The following CACNG3 variants were observed in gnomAD, a reference collection of about 807,000 sequenced individuals.
The protein encoded by CACNG3 is voltage-dependent calcium channel gamma-3 subunit.
A neutral mutation model predicts 28.5 loss-of-function variants in CACNG3; 3 were observed. The ratio of observed to expected loss-of-function variants is 0.11; its 90% CI spans 0.05 to 0.27. The LOEUF (loss-of-function observed/expected upper bound fraction) is 0.27, where lower values mean the gene tolerates loss of function less well. CACNG3 is among the 10% of genes least tolerant of loss of function. The pLI is 1.00. For missense variants in CACNG3, 236 were observed against 414.4 expected (o/e 0.57, Z 3.74); for synonymous variants, 174 against 162.2 (o/e 1.07, Z -0.55).
intron 2 of CACNG3, among the ~76,000 whole-genome samples, chr16:24,350,042 G>T (rs1437158789): frequency 6.6e-6 from 1 of 152,190 alleles, no homozygotes; most frequent in Admixed American, 6.5e-5. Context: ...AGTTTGGGGG[G>T]AGAAACAGGG....
At chr16:24,276,228 T>C (rs1207586512) in intron 1 of CACNG3, among the ~76,000 whole-genome samples, 1 of 152,228 alleles carries the variant, frequency 6.6e-6, no homozygotes, top group Non-Finnish European at 1.5e-5. Flanking sequence ...CTATTTTTTG[T>C]TCTGGAAAAT....
At chr16:24,314,648 T>C (rs1044186247) in intron 1 of CACNG3, among the ~76,000 whole-genome samples, 11 of 152,088 alleles carry the variant, frequency 7.2e-5, no homozygotes, top group Non-Finnish European at 1.5e-4. Context: ...ACGGTATAGA[T>C]ATATATGTCC....
intron 1 of CACNG3, among the ~76,000 whole-genome samples, chr16:24,280,838 A>AAAAAAAAAAAAAAAAAAAAAAAAAAAC (rs1898816857): frequency 6.6e-6 from 1 of 151,230 alleles, no homozygotes; most frequent in Non-Finnish European, 1.5e-5. Context: ...AAAAAAAAAA[A>AAAAAAAAAAAAAAAAAAAAAAAAAAAC]AAAAAAAGAC....
chr16:24,297,841 G>A (rs1899052610), intron 1 of CACNG3, among the ~76,000 whole-genome samples: 1 of 152,112 alleles, frequency 6.6e-6, no homozygotes, highest in East Asian at 1.9e-4. Context: ...CCCTCACACT[G>A]TAAAGGATTT....
intron 1 of CACNG3, among the ~76,000 whole-genome samples, chr16:24,342,745 C>T (rs949030680): frequency 9.2e-5 from 14 of 152,030 alleles, no homozygotes; most frequent in African/African-American, 2.9e-4. Context: ...TTTTATTTTC[C>T]GACGCTGAAA....
intron 1 of CACNG3, among the ~76,000 whole-genome samples, chr16:24,260,201 A>T (rs1161526585): frequency 3.3e-5 from 5 of 152,222 alleles, no homozygotes; most frequent in African/African-American, 4.8e-5. Flanking sequence ...TGAGCCTTGT[A>T]AATTACCTAA....
intron 1 of CACNG3, among the ~76,000 whole-genome samples, chr16:24,338,787 G>A (rs988697927): frequency 3.3e-5 from 5 of 152,244 alleles, no homozygotes; most frequent in African/African-American, 1.2e-4. Context: ...TCACAACCCA[G>A]TTCTCACACT....
At chr16:24,278,465 A>C (rs1444847656) in intron 1 of CACNG3, among the ~76,000 whole-genome samples, 1 of 151,998 alleles carries the variant, frequency 6.6e-6, no homozygotes, top group Non-Finnish European at 1.5e-5. Flanking sequence ...AAAATACAAA[A>C]ATTAGCTGGG....
In CACNG3 at chr16:24,358,314, C is replaced by G. The variant is rs542672515; in HGVS notation, c.437-3038C>G. Among the ~76,000 whole-genome samples, 8 of 152,362 alleles carry G rather than the reference C, an allele frequency of 5.3e-5. No homozygotes were observed. The South Asian group carries it at 1.7e-3, about 32-fold the overall frequency. ...GCTCTACTACTTTCCTGCTGTGTGA[C>G]TTTGGGCAAGTCACTTAACCTTTCT... is the stretch of plus-strand genomic sequence containing the variant. On this transcript the variant is annotated intron_variant, in intron 3 of 3. Transcript: ENST00000005284.
intron 1 of CACNG3, among the ~76,000 whole-genome samples, chr16:24,337,250 A>G (rs1596647935): frequency 6.6e-6 from 1 of 152,046 alleles, no homozygotes; most frequent in African/African-American, 2.4e-5. Context: ...ATACCACACT[A>G]CCCCTCTAGA....
chr16:24,300,082 A>G lies in CACNG3; in HGVS notation c.211+43117A>G, dbSNP rs16973510. Reference sequence around the variant, plus strand: ...TCTGTACAAATCACCCACTTTGATAACCAGAGACCACGAAAATTAAAGAAT... The same window carrying G: ...TCTGTACAAATCACCCACTTTGATAGCCAGAGACCACGAAAATTAAAGAAT... On this transcript the variant is annotated intron_variant, in intron 1 of 3. Coordinates refer to ENST00000005284, the MANE Select transcript of CACNG3 (RefSeq NM_006539.4). Among the ~76,000 whole-genome samples the G allele has an allele frequency of 5.9e-3, 901 of 152,336 alleles. 13 individuals are homozygous for G. Among genetic ancestry groups the G allele is most frequent in the African/African-American group, 0.02 (841 of 41,564 alleles).
chr16:24,354,713 T>C (rs1420167880), intron 2 of CACNG3, 120 bp from the exon 3 acceptor site: 1 of 986,854 alleles, frequency 1.0e-6, no homozygotes, highest in African/African-American at 1.6e-5. Context: ...ATGCCCGTGT[T>C]AGACATGGGC....
chr16:24,315,773 C>T (rs1176905377), intron 1 of CACNG3, among the ~76,000 whole-genome samples: 1 of 152,044 alleles, frequency 6.6e-6, no homozygotes, highest in Non-Finnish European at 1.5e-5. Context: ...ATTCCCCTGC[C>T]TCAGTCTCCC....
chr16:24,315,922 A>G (rs973380505), intron 1 of CACNG3, among the ~76,000 whole-genome samples: 1 of 152,156 alleles, frequency 6.6e-6, no homozygotes, highest in Non-Finnish European at 1.5e-5. Flanking sequence ...GCCTCCCAAA[A>G]TGCTGGAGTT....
chr16:24,275,548 CT>C (rs1898742880), intron 1 of CACNG3, among the ~76,000 whole-genome samples: 1 of 152,148 alleles, frequency 6.6e-6, no homozygotes, highest in African/African-American at 2.4e-5. Flanking sequence ...GAACTAGCTG[CT>C]TTTTTCCATG....
At chr16:24,298,121 A>G (rs568505160) in intron 1 of CACNG3, among the ~76,000 whole-genome samples, 3 of 152,190 alleles carry the variant, frequency 2.0e-5, no homozygotes, top group African/African-American at 7.2e-5. Context: ...TTATCTTTAT[A>G]TTCTCTTATC....
chr16:24,328,303 G>A (rs1476929191), intron 1 of CACNG3, among the ~76,000 whole-genome samples: 2 of 151,400 alleles, frequency 1.3e-5, no homozygotes, highest in Non-Finnish European at 2.9e-5. Flanking sequence ...GAGGGTGCTC[G>A]TGCAAAGGCC....
chr16:24,276,607 T>C (rs958043967), intron 1 of CACNG3, among the ~76,000 whole-genome samples: 1 of 152,268 alleles, frequency 6.6e-6, no homozygotes, highest in Non-Finnish European at 1.5e-5. Flanking sequence ...TGGTATCTTT[T>C]TGACTTCTCT....
intron 1 of CACNG3, among the ~76,000 whole-genome samples, chr16:24,314,860 A>G (rs1036477606): frequency 3.9e-5 from 6 of 151,910 alleles, no homozygotes; most frequent in African/African-American, 1.4e-4. Context: ...GATGGAAAAT[A>G]GGGGCTGCAG....
Sources: gnomAD v4.1 joint callset for allele counts (sites outside exome capture counted in the v4.1 genomes callset) on GRCh38, gnomAD v4.1.1 for gene constraint, MANE v1.5 for transcripts, NCBI Gene and HGNC (gene_info 2026-07-23, HGNC 2026-07-21) for gene names.